The following EGFR variants were observed in gnomAD, a reference collection of about 807,000 sequenced individuals.
EGFR encodes avian erythroblastic leukemia viral (v-erb-b) oncogene homolog.
Under a neutral mutation model 143.0 loss-of-function variants are expected in EGFR, and 58 were observed. The observed-to-expected ratio is 0.41, with a 90% CI of 0.33 to 0.50. EGFR has a LOEUF of 0.50. Ranked by LOEUF, EGFR falls within the 20% of genes least tolerant of loss-of-function variation. The pLI, the probability that EGFR is intolerant of heterozygous loss-of-function variation, is 0.39. For synonymous variants in EGFR, 613 were observed against 594.4 expected (o/e 1.03, Z -0.45); for missense variants, 1,307 against 1,579.0 (o/e 0.83, Z 2.92).
intron 1 of EGFR, among the ~76,000 whole-genome samples, chr7:55,050,901 C>G (rs1201069359): frequency 5.9e-5 from 9 of 152,230 alleles, no homozygotes; most frequent in South Asian, 2.1e-4. Flanking sequence ...GGCCCTTCCT[C>G]CATAAGCAGA....
chr7:55,100,520 G>A (rs74843476), intron 1 of EGFR, among the ~76,000 whole-genome samples: 197 of 152,336 alleles, frequency 1.3e-3, no homozygotes, highest in African/African-American at 4.5e-3. Flanking sequence ...CCTACGAGAG[G>A]TCTGTTTTCT....
intron 1 of EGFR, among the ~76,000 whole-genome samples, chr7:55,053,884 G>A (rs146642006): frequency 6.2e-4 from 94 of 152,276 alleles, no homozygotes; most frequent in African/African-American, 2.1e-3. Flanking sequence ...AATCTGCTTC[G>A]CGATGAACCA....
At chr7:55,139,991 A>G (rs372353923) in intron 1 of EGFR, among the ~76,000 whole-genome samples, 2 of 152,074 alleles carry the variant, frequency 1.3e-5, no homozygotes, top group African/African-American at 4.8e-5. Flanking sequence ...AAGTGCTTCT[A>G]ATACTTGTGC....
At chr7:55,143,604 T>G in intron 3 of EGFR, 116 bp downstream of exon 3, 1 of 1,182,182 alleles carries the variant, frequency 8.5e-7, no homozygotes, top group South Asian at 1.3e-5. Flanking sequence ...TTTTACCCAG[T>G]ACACGTGCAC....
intron 1 of EGFR, 25 bp downstream of exon 1, chr7:55,019,390 C>T (rs1283756329): frequency 2.5e-5 from 34 of 1,378,970 alleles, no homozygotes; most frequent in Non-Finnish European, 3.2e-5. Context: ...CGCCGGCTCC[C>T]GCGCCGCCCC....
At chr7:55,045,553 C>T (rs76056259) in intron 1 of EGFR, among the ~76,000 whole-genome samples, 2,291 of 152,252 alleles carry the variant, frequency 0.015, 55 homozygotes, top group African/African-American at 0.051. Context: ...ACTATACTCA[C>T]GGTGGGTTCT....
rs571613855 is a variant in EGFR, at chr7:55,202,654, C to A, written c.3271+29C>A. 16 of 1,573,786 alleles carry A rather than the reference C, an allele frequency of 1.0e-5. No homozygotes were observed. Among genetic ancestry groups the A allele is most frequent in the Admixed American group, 1.8e-5 (1 of 55,568 alleles). On this transcript the variant is annotated intron_variant, in intron 27 of 27. Coordinates refer to ENST00000275493, the MANE Select transcript of EGFR (RefSeq NM_005228.5). Reference sequence around the variant, plus strand: ...AGTGGCTTGTCTGGAAACAGTCCTGCTCCTCAACCTCCTCGACCCACTCAG... The same window carrying A: ...AGTGGCTTGTCTGGAAACAGTCCTGATCCTCAACCTCCTCGACCCACTCAG...
chr7:55,121,611 T>G (rs1793211973), intron 1 of EGFR, among the ~76,000 whole-genome samples: 1 of 152,182 alleles, frequency 6.6e-6, no homozygotes, highest in Non-Finnish European at 1.5e-5. Context: ...GTTCTCTCCA[T>G]TGGAACTCCT....
At chr7:55,092,563 A>G (rs973893238) in intron 1 of EGFR, among the ~76,000 whole-genome samples, 3 of 152,120 alleles carry the variant, frequency 2.0e-5, no homozygotes, top group Non-Finnish European at 4.4e-5. Flanking sequence ...CATTCCCTAG[A>G]CCTCTTTTCT....
At chr7:55,108,931 G>A (rs934752984) in intron 1 of EGFR, among the ~76,000 whole-genome samples, 1 of 152,118 alleles carries the variant, frequency 6.6e-6, no homozygotes, top group African/African-American at 2.4e-5. Flanking sequence ...TGTTCTTTTG[G>A]AGCTTACATC....
rs945209629 is a variant in EGFR, at chr7:55,209,072, G to A, written c.*3455G>A. The A allele has an allele frequency of 1.3e-5, 2 of 152,000 alleles. No homozygotes were observed. The highest frequency in any genetic ancestry group is 6.6e-5 in the Admixed American group (1 of 15,262). 9.4% of individuals were successfully genotyped at this position (152,000 alleles called of 1,614,324 possible). ...GTAGGATGAAGCTGGTGGGTGATGG[G>A]AACTCAGCACCTCCCCTCAGGCAGA... On this transcript the variant is annotated 3_prime_UTR_variant, in exon 28 of 28. Coordinates refer to ENST00000275493, the MANE Select transcript of EGFR (RefSeq NM_005228.5).
chr7:55,140,947 T>G (rs1192944905), intron 1 of EGFR, among the ~76,000 whole-genome samples: 1 of 152,194 alleles, frequency 6.6e-6, no homozygotes, highest in African/African-American at 2.4e-5. Flanking sequence ...CATGGCTCAT[T>G]GAGAGGGCAG....
intron 1 of EGFR, among the ~76,000 whole-genome samples, chr7:55,098,346 T>C (rs931232114): frequency 4.6e-5 from 7 of 152,186 alleles, no homozygotes; most frequent in Non-Finnish European, 7.3e-5. Flanking sequence ...CTGAGGGTGG[T>C]CTGACCCGAC....
At chr7:55,073,319 G>T (rs750910278) in intron 1 of EGFR, among the ~76,000 whole-genome samples, 55 of 152,220 alleles carry the variant, frequency 3.6e-4, no homozygotes, top group Non-Finnish European at 6.6e-4. Context: ...TCCTCAATCT[G>T]TAAAATAGGT....
intron 1 of EGFR, among the ~76,000 whole-genome samples, chr7:55,063,666 G>C (rs17335898): frequency 6.6e-6 from 1 of 152,120 alleles, no homozygotes; most frequent in Non-Finnish European, 1.5e-5. Flanking sequence ...TAACACAAAG[G>C]ACGTCATGGG....
At chr7:55,078,313 G>A (rs1790250973) in intron 1 of EGFR, among the ~76,000 whole-genome samples, 1 of 130,728 alleles carries the variant, frequency 7.6e-6, no homozygotes, top group African/African-American at 2.9e-5. Context: ...CCACCCCACC[G>A]CCACAGCCCA....
At chr7:55,185,719 G>A (rs1410787328) in intron 20 of EGFR, among the ~76,000 whole-genome samples, 2 of 152,208 alleles carry the variant, frequency 1.3e-5, no homozygotes, top group African/African-American at 2.4e-5. Context: ...CTGAGGCCAG[G>A]CCTGGTGAAC....
rs1163917177 is a variant in EGFR, at chr7:55,211,511, A to G, written c.*5894A>G. On this transcript the variant is annotated 3_prime_UTR_variant, in exon 28 of 28. Coordinates refer to ENST00000275493, the MANE Select transcript of EGFR (RefSeq NM_005228.5). ...AGCAGAATTCTCTTTTATATGGTTT[A>G]TACTGTTGATCAGAAATGTTGATTG... 1 of 152,214 alleles carries G rather than the reference A, an allele frequency of 6.6e-6. No individual in the cohort carries two copies. Among genetic ancestry groups the G allele is most frequent in the Non-Finnish European group, 1.5e-5 (1 of 68,034 alleles). 9.4% of individuals were successfully genotyped at this position (152,214 alleles called of 1,614,324 possible). A position where few individuals can be genotyped will look rare whatever the true frequency, so the allele number is the denominator to read the frequency against.
intron 1 of EGFR, among the ~76,000 whole-genome samples, chr7:55,076,051 A>G (rs955064827): frequency 7.9e-5 from 12 of 152,160 alleles, no homozygotes; most frequent in Non-Finnish European, 1.8e-4. Context: ...GTCCATTAGT[A>G]ATTTGTTATA....
Sources: allele counts gnomAD v4.1 joint callset (sites outside exome capture counted in the v4.1 genomes callset), GRCh38; gene constraint gnomAD v4.1.1; transcripts MANE v1.5; gene names NCBI Gene and HGNC (gene_info 2026-07-23, HGNC 2026-07-21).